Variants in MTAP observed in about 807,000 individuals in gnomAD.
The protein encoded by MTAP is methylthioadenosine phosphorylase.
MTAP carries 33 observed loss-of-function variants against 33.6 expected under a neutral mutation model. The observed-to-expected ratio is 0.98, with a 90% CI of 0.74 to 1.31. MTAP has a LOEUF of 1.31. MTAP is among the 40% of genes most tolerant of loss of function. The pLI, the probability that MTAP is intolerant of heterozygous loss-of-function variation, is 0.00. For missense variants in MTAP, 367 were observed against 360.0 expected (o/e 1.02, Z -0.16); for synonymous variants, 148 against 125.7 (o/e 1.18, Z -1.19).
chr9:21,826,736 A>G (rs1166425615), intron 4 of MTAP, among the ~76,000 whole-genome samples: 1 of 151,854 alleles, frequency 6.6e-6, no homozygotes, highest in African/African-American at 2.4e-5. Flanking sequence ...CCTTTTCTGC[A>G]TTTAGAGGTA....
At chr9:21,817,274 G>C (rs925645793) in intron 3 of MTAP, among the ~76,000 whole-genome samples, 2 of 152,096 alleles carry the variant, frequency 1.3e-5, no homozygotes, top group African/African-American at 2.4e-5. Context: ...ATATATGTAT[G>C]AGTTCTCTAC....
downstream of MTAP, among the ~76,000 whole-genome samples, chr9:21,871,473 C>T (rs1825936245): frequency 6.6e-6 from 1 of 152,186 alleles, no homozygotes; most frequent in Admixed American, 6.5e-5. Context: ...TGTTACATTA[C>T]TAGTCACACT....
intron 6 of MTAP, among the ~76,000 whole-genome samples, chr9:21,857,528 T>C (rs896756939): frequency 1.3e-5 from 2 of 152,250 alleles, no homozygotes; most frequent in African/African-American, 4.8e-5. Context: ...GCATGTCAAG[T>C]ACTCTATCTC....
intron 1 of MTAP, chr9:21,811,861 C>A (rs992036027): frequency 4.6e-6 from 2 of 433,938 alleles, no homozygotes; most frequent in South Asian, 1.8e-5. Flanking sequence ...TGAAGGTGGC[C>A]GGACATCTTT....
Position 21,863,220 on chromosome 9 carries a change from G to T in MTAP, c.*1206G>T. On this transcript the variant is annotated 3_prime_UTR_variant, in exon 8 of 8. Coordinates refer to ENST00000644715, the MANE Select transcript of MTAP (RefSeq NM_002451.4). ...AGTAATGTTTGATTCTCCTTTTTAT[G>T]AGTTAAATTATTTTATACGAGTTGG... 1.0e-6 allele frequency: 1 copy of T among 968,020 alleles called. No individual in the cohort carries two copies. The highest frequency in any genetic ancestry group is 1.2e-6 in the Non-Finnish European group (1 of 814,168). 60.0% of individuals were successfully genotyped at this position (968,020 alleles called of 1,614,324 possible). A position where few individuals can be genotyped will look rare whatever the true frequency, so the allele number is the denominator to read the frequency against.
intron 1 of MTAP, among the ~76,000 whole-genome samples, chr9:21,905,289 A>T (rs1392656053): frequency 1.3e-5 from 2 of 151,922 alleles, no homozygotes; most frequent in Non-Finnish European, 2.9e-5. Flanking sequence ...AGGGGAATGG[A>T]GTGTCTTAGC....
intron 5 of MTAP, among the ~76,000 whole-genome samples, chr9:21,843,522 T>C (rs1377175466): frequency 6.6e-6 from 1 of 152,112 alleles, no homozygotes; most frequent in Non-Finnish European, 1.5e-5. Flanking sequence ...TCAACAAATT[T>C]GAAAATCAAA....
At chr9:21,817,958 A>C (rs1170173700) in intron 3 of MTAP, 77 bp from the exon 4 acceptor site, 1 of 1,398,586 alleles carries the variant, frequency 7.2e-7, no homozygotes, top group African/African-American at 1.5e-5. Flanking sequence ...GAATCACTTA[A>C]TTTTTTCTAG....
intron 1 of MTAP, 80 bp downstream of exon 1, chr9:21,802,861 G>C (rs952876479): frequency 1.3e-6 from 2 of 1,573,300 alleles, no homozygotes; most frequent in African/African-American, 1.4e-5. Flanking sequence ...CGCGCCTCCG[G>C]GGGCCATGCG....
intron 5 of MTAP, among the ~76,000 whole-genome samples, chr9:21,844,788 A>G (rs759798498): frequency 1.3e-5 from 2 of 152,224 alleles, no homozygotes; most frequent in Non-Finnish European, 2.9e-5. Flanking sequence ...TAATCCCAGC[A>G]CTTTGGGAGG....
At chr9:21,868,536 G>GT (rs1275471122), downstream of MTAP, among the ~76,000 whole-genome samples, 1 of 152,138 alleles carries the variant, frequency 6.6e-6, no homozygotes, top group Non-Finnish European at 1.5e-5. Context: ...GGCAGGAGTT[G>GT]TTTTTTTAAC....
chr9:21,824,521 G>A (rs181023944), intron 4 of MTAP, among the ~76,000 whole-genome samples: 168 of 152,324 alleles, frequency 1.1e-3, no homozygotes, highest in Non-Finnish European at 2.1e-3. Flanking sequence ...ACTGGGGGGT[G>A]CCTCACAGTT....
chr9:21,833,223 TCG>T (rs1825017759), intron 4 of MTAP, among the ~76,000 whole-genome samples: 1 of 152,164 alleles, frequency 6.6e-6, no homozygotes, highest in Non-Finnish European at 1.5e-5. Context: ...GATCTCACTC[TCG>T]CCCAAGCTGG....
At chr9:21,859,837 T>C (rs924937272) in intron 7 of MTAP, 1 of 153,934 alleles carries the variant, frequency 6.5e-6, no homozygotes, top group African/African-American at 2.4e-5. Context: ...AGTACCAAAA[T>C]GGTGCCAGAA....
intron 1 of MTAP, among the ~76,000 whole-genome samples, chr9:21,814,522 T>G (rs1824429685): frequency 6.6e-6 from 1 of 152,256 alleles, no homozygotes; most frequent in South Asian, 2.1e-4. Flanking sequence ...TCCCTAATGA[T>G]TTGTTACTTA....
At chr9:21,902,834 CA>C (rs1252109432) in intron 1 of MTAP, among the ~76,000 whole-genome samples, 2 of 152,050 alleles carry the variant, frequency 1.3e-5, no homozygotes, top group African/African-American at 2.4e-5. Context: ...GGCTGTTAAA[CA>C]AAACTGAATT....
chr9:21,906,210 G>T (rs544454521), intron 1 of MTAP, among the ~76,000 whole-genome samples: 17 of 152,190 alleles, frequency 1.1e-4, no homozygotes, highest in African/African-American at 4.1e-4. Flanking sequence ...AGAAGAGATA[G>T]AATTATCAGC....
At chr9:21,877,764 A>G (rs1421624183) in intron 1 of MTAP, among the ~76,000 whole-genome samples, 1 of 152,066 alleles carries the variant, frequency 6.6e-6, no homozygotes, top group African/African-American at 2.4e-5. Flanking sequence ...ATTTGCTAGT[A>G]TTTTGTTGAG....
chr9:21,881,990 A>C (rs918826456), intron 1 of MTAP, among the ~76,000 whole-genome samples: 1 of 152,052 alleles, frequency 6.6e-6, no homozygotes, highest in African/African-American at 2.4e-5. Context: ...GGACAGATAA[A>C]GAAAATGCAA....
Sources: gnomAD v4.1 joint callset for allele counts (sites outside exome capture counted in the v4.1 genomes callset) on GRCh38, gnomAD v4.1.1 for gene constraint, MANE v1.5 for transcripts, NCBI Gene and HGNC (gene_info 2026-07-23, HGNC 2026-07-21) for gene names.